Variants in AMDHD1 observed in about 807,000 individuals in gnomAD.
The protein encoded by AMDHD1 is amidohydrolase domain containing 1.
In AMDHD1, 45 loss-of-function variants were observed where a neutral mutation model predicts 44.1. The observed-to-expected ratio is 1.02, with a 90% CI of 0.80 to 1.31. The LOEUF (loss-of-function observed/expected upper bound fraction) is 1.31. AMDHD1 is among the 50% of genes most tolerant of loss of function. AMDHD1 has a pLI of 0.00. For synonymous variants in AMDHD1, 206 were observed against 205.0 expected (o/e 1.00, Z -0.04); for missense variants, 586 against 552.1 (o/e 1.06, Z -0.61).
chr12:95,957,200 G>A (rs2080556432), intron 4 of AMDHD1, among the ~76,000 whole-genome samples: 1 of 152,164 alleles, frequency 6.6e-6, no homozygotes, highest in African/African-American at 2.4e-5. Context: ...TTTGGGTTAA[G>A]ACAAAGAAAT....
chr12:95,962,170 G>A (rs1252281273), intron 5 of AMDHD1, among the ~76,000 whole-genome samples, 185 bp from the exon 6 acceptor site: 1 of 152,346 alleles, frequency 6.6e-6, no homozygotes, highest in Middle Eastern at 3.4e-3. Context: ...GGAGGCTGAG[G>A]TGGGAGAATT....
intron 4 of AMDHD1, 99 bp from the exon 5 acceptor site, chr12:95,960,298 TA>T: frequency 1.0e-6 from 1 of 990,164 alleles, no homozygotes; most frequent in Non-Finnish European, 1.5e-6. Flanking sequence ...TGAAGTCATT[TA>T]CCTCTACTGC....
intron 7 of AMDHD1, 58 bp from the exon 8 acceptor site, chr12:95,966,290 T>C: frequency 1.3e-6 from 2 of 1,593,672 alleles, no homozygotes; most frequent in East Asian, 4.5e-5. Flanking sequence ...TGAGAAATGT[T>C]TTAAATTGCA....
chr12:95,946,122 A>G (rs1172074273), intron 1 of AMDHD1, among the ~76,000 whole-genome samples: 2 of 151,306 alleles, frequency 1.3e-5, no homozygotes, highest in Non-Finnish European at 2.9e-5. Flanking sequence ...AGAGGCTCCC[A>G]GGTGTGGAAA....
chr12:95,961,834 A>G (rs1460443936), intron 5 of AMDHD1, among the ~76,000 whole-genome samples: 1 of 152,252 alleles, frequency 6.6e-6, no homozygotes, highest in African/African-American at 2.4e-5. Flanking sequence ...ATTTGTGTTT[A>G]AGAATAGTTT....
chr12:95,949,153 AAAAAAAG>A (rs2080515092), intron 1 of AMDHD1, among the ~76,000 whole-genome samples: 1 of 18,708 alleles, frequency 5.3e-5, no homozygotes, highest in Non-Finnish European at 8.4e-5. Context: ...AAAAAAAAAA[AAAAAAAG>A]AAAAAAAAAA....
chr12:95,960,743 G>C, intron 5 of AMDHD1, 120 bp downstream of exon 5: 1 of 1,064,910 alleles, frequency 9.4e-7, no homozygotes, highest in Non-Finnish European at 1.4e-6. Flanking sequence ...AAATTTGTTT[G>C]AACAATGTAC....
In AMDHD1 at chr12:95,954,918, G is replaced by A. The variant is rs1338349101; in HGVS notation, c.252G>A (p.Val84=). 1.7e-5 allele frequency: 28 copies of A among 1,614,034 alleles called. No individual in the cohort carries two copies. Among genetic ancestry groups the A allele is most frequent in the Non-Finnish European group, 2.1e-5 (25 of 1,179,952 alleles). ...CSGKCILPGL[V]DAHTHPVWAG... is the part of the protein sequence containing the mutation. Reference sequence around the variant, plus strand: ...TTGATTTATTGATTATAGGTTTGGTGGATGCACACACACATCCAGTATGGG... The same window carrying A: ...TTGATTTATTGATTATAGGTTTGGTAGATGCACACACACATCCAGTATGGG... The change falls in exon 3 of 9, where the codon GTG becomes GTA. Residue 84 remains valine, a synonymous_variant. Coordinates refer to ENST00000266736, the MANE Select transcript of AMDHD1 (RefSeq NM_152435.3).
intron 2 of AMDHD1, among the ~76,000 whole-genome samples, chr12:95,954,187 G>A (rs534706001): frequency 1.7e-4 from 26 of 152,250 alleles, no homozygotes; most frequent in Admixed American, 7.2e-4. Flanking sequence ...TGCAGGGGGA[G>A]GGGATTGTAG....
intron 6 of AMDHD1, among the ~76,000 whole-genome samples, chr12:95,964,928 C>CAAAAAAAAAG (rs2080601494): frequency 8.4e-5 from 3 of 35,832 alleles, no homozygotes; most frequent in African/African-American, 1.4e-4. Flanking sequence ...ATGTTTGAGG[C>CAAAAAAAAAG]AAAAAAAAAA....
At position 95,965,699 on chromosome 12, in the gene AMDHD1, CG is replaced by C. The variant is rs1157004400; in HGVS notation, c.953del (p.Arg318GlnfsTer6). On this transcript the variant is annotated frameshift_variant, in exon 7 of 9. Transcript: ENST00000266736. LOFTEE classifies it high-confidence loss of function. The stretch of plus-strand genomic sequence containing the variant: ...TCCTCCCCTTAGACTGAAACAACCT[CG>C]AGCCAGGAAGATGTTAGATGAAGGA... Reference protein sequence around the residue: ...TAYMLRLKQPRARKMLDEGVI... With the variant: ...TAYMLRLKQPXARKMLDEGVI... 3.1e-6 allele frequency: 5 copies of C among 1,612,108 alleles called. No individual in the cohort carries two copies. The African/African-American group carries it at 6.7e-5, about 22-fold the overall frequency.
At chr12:95,963,475 C>T (rs991486004) in intron 6 of AMDHD1, among the ~76,000 whole-genome samples, 19 of 152,002 alleles carry the variant, frequency 1.2e-4, no homozygotes, top group South Asian at 2.1e-4. Context: ...TTTAGAAGGG[C>T]GAAGAAAGGA....
At chr12:95,962,751 G>A (rs549774763) in intron 6 of AMDHD1, among the ~76,000 whole-genome samples, 2 of 151,842 alleles carry the variant, frequency 1.3e-5, no homozygotes, top group South Asian at 4.2e-4. Flanking sequence ...CATGGATTTT[G>A]GAATTTTTCA....
chr12:95,962,501 G>A, intron 6 of AMDHD1, 22 bp downstream of exon 6: 1 of 1,510,218 alleles, frequency 6.6e-7, no homozygotes, highest in Non-Finnish European at 8.8e-7. Flanking sequence ...TCTCACCCCA[G>A]ACCAAGAGCT....
Position 95,960,535 on chromosome 12 carries a change from C to A in AMDHD1, c.725C>A (p.Ser242Tyr). The change falls in exon 5 of 9, where the codon TCC becomes TAC. Residue 242 changes from serine (S) to tyrosine (Y), a missense_variant. Physicochemically the swap from Ser to Tyr is moderately radical, Grantham distance 144 (BLOSUM62 -2). Coordinates refer to ENST00000266736, the MANE Select transcript of AMDHD1 (RefSeq NM_152435.3). ...FCEKGVFDLD[S>Y]TRRILQRGKD... The stretch of plus-strand genomic sequence containing the variant: ...GAGAAAGGTGTCTTTGATCTCGATT[C>A]CACCAGAAGGATTCTTCAACGTGGA... 2 of 1,614,184 alleles carry A rather than the reference C, an allele frequency of 1.2e-6. No individual in the cohort carries two copies. The highest frequency in any genetic ancestry group is 1.7e-6 in the Non-Finnish European group (2 of 1,180,022).
At chr12:95,962,958 A>T (rs1366828364) in intron 6 of AMDHD1, among the ~76,000 whole-genome samples, 1 of 152,148 alleles carries the variant, frequency 6.6e-6, no homozygotes, top group Admixed American at 6.5e-5. Flanking sequence ...AGGAAAGAGG[A>T]GACATATATT....
intron 4 of AMDHD1, among the ~76,000 whole-genome samples, chr12:95,958,607 T>C (rs1333269109): frequency 6.6e-6 from 1 of 152,236 alleles, no homozygotes; most frequent in Non-Finnish European, 1.5e-5. Flanking sequence ...AAGTCTCAGT[T>C]TGAAGTGATG....
chr12:95,962,313 T>C (rs763201355), intron 5 of AMDHD1, 42 bp from the exon 6 acceptor site: 8 of 1,583,498 alleles, frequency 5.1e-6, no homozygotes, highest in Non-Finnish European at 6.9e-6. Flanking sequence ...GATTCGTTGT[T>C]GCTATTTGTT....
At chr12:95,967,088 G>A (rs1311208808) in intron 8 of AMDHD1, among the ~76,000 whole-genome samples, 1 of 152,196 alleles carries the variant, frequency 6.6e-6, no homozygotes, top group Non-Finnish European at 1.5e-5. Context: ...GGCTGGGGAG[G>A]CCTCACAATC....
Sources: gnomAD v4.1 joint callset for allele counts (sites outside exome capture counted in the v4.1 genomes callset) on GRCh38, gnomAD v4.1.1 for gene constraint, MANE v1.5 for transcripts, NCBI Gene and HGNC (gene_info 2026-07-23, HGNC 2026-07-21) for gene names.